MACROD2: variants seen among roughly 807,000 people sequenced by gnomAD.
MACROD2 encodes ADP-ribose glycohydrolase MACROD2.
Under a neutral mutation model 70.4 loss-of-function variants are expected in MACROD2, and 36 were observed. That is an observed-to-expected ratio of 0.51 (90% CI 0.39 to 0.68). The LOEUF is 0.68. Among genes scored for constraint, MACROD2 ranks in the 30% least tolerant of loss-of-function variants. MACROD2 has a pLI of 0.00. For missense variants in MACROD2, 496 were observed against 538.4 expected (o/e 0.92, Z 0.78); for synonymous variants, 172 against 178.8 (o/e 0.96, Z 0.30).
At chr20:14,320,031 A>G (rs961304950) in intron 3 of MACROD2, among the ~76,000 whole-genome samples, 11 of 152,146 alleles carry the variant, frequency 7.2e-5, no homozygotes, top group Admixed American at 3.3e-4. Context: ...ATGTTAATTT[A>G]TTATCTAAAC....
At chr20:14,109,468 T>A (rs543096279) in intron 3 of MACROD2, among the ~76,000 whole-genome samples, 5 of 151,766 alleles carry the variant, frequency 3.3e-5, no homozygotes, top group South Asian at 4.1e-4. Context: ...AATAAAAAGT[T>A]TGGTTTTTGA....
chr20:15,396,019 G>T (rs760916080), intron 6 of MACROD2, among the ~76,000 whole-genome samples: 1 of 152,174 alleles, frequency 6.6e-6, no homozygotes, highest in Non-Finnish European at 1.5e-5. Flanking sequence ...ATCAAGGAGG[G>T]AATCACTGGC....
chr20:15,233,181 A>G (rs763972831), intron 6 of MACROD2, among the ~76,000 whole-genome samples: 1 of 152,170 alleles, frequency 6.6e-6, no homozygotes, highest in Admixed American at 6.5e-5. Flanking sequence ...TAGGATGTTA[A>G]GGCATTGTTC....
At chr20:14,614,010 A>C (rs780450441) in intron 4 of MACROD2, among the ~76,000 whole-genome samples, 6 of 151,764 alleles carry the variant, frequency 4.0e-5, no homozygotes, top group Non-Finnish European at 7.4e-5. Context: ...CACCATGGAG[A>C]CCTCCGATTT....
intron 4 of MACROD2, among the ~76,000 whole-genome samples, chr20:14,600,407 T>C (rs117304489): frequency 1.3e-5 from 2 of 150,770 alleles, no homozygotes; most frequent in East Asian, 3.9e-4. Context: ...TAGTTTATTA[T>C]ATTGAGAGAA....
At chr20:14,105,608 T>A (rs1034711988) in intron 3 of MACROD2, among the ~76,000 whole-genome samples, 1 of 152,198 alleles carries the variant, frequency 6.6e-6, no homozygotes, top group African/African-American at 2.4e-5. Context: ...CAACTCCTAG[T>A]GCTAGTCTGG....
chr20:14,051,876 T>C (rs1489557335), intron 2 of MACROD2: 2 of 514,440 alleles, frequency 3.9e-6, no homozygotes, highest in Non-Finnish European at 7.8e-6. Context: ...TTGGTTTCAA[T>C]ATGCCACATC....
At chr20:15,761,594 A>G (rs2051437219) in intron 8 of MACROD2, among the ~76,000 whole-genome samples, 2 of 152,314 alleles carry the variant, frequency 1.3e-5, no homozygotes. Context: ...TGTTATAGGC[A>G]AAATTCAAGA....
chr20:14,916,491 G>A (rs1400576903), intron 5 of MACROD2, among the ~76,000 whole-genome samples: 2 of 152,112 alleles, frequency 1.3e-5, no homozygotes, highest in Non-Finnish European at 2.9e-5. Context: ...TTACTTGTTT[G>A]TGAAATAGAA....
intron 2 of MACROD2, among the ~76,000 whole-genome samples, chr20:14,015,422 G>C (rs1274488733): frequency 6.6e-6 from 1 of 152,006 alleles, no homozygotes; most frequent in African/African-American, 2.4e-5. Flanking sequence ...TCTCTAAAAT[G>C]AACATTCAAA....
chr20:15,163,489 G>C (rs1160989926), intron 5 of MACROD2, among the ~76,000 whole-genome samples: 1 of 152,020 alleles, frequency 6.6e-6, no homozygotes, highest in East Asian at 1.9e-4. Context: ...CAACAAATTA[G>C]AAGCTTTGAA....
intron 4 of MACROD2, among the ~76,000 whole-genome samples, chr20:14,509,413 A>G (rs2085004911): frequency 1.3e-5 from 2 of 152,074 alleles, no homozygotes; most frequent in South Asian, 4.1e-4. Flanking sequence ...ACAAAGATGA[A>G]TAAAATGAGC....
intron 5 of MACROD2, among the ~76,000 whole-genome samples, chr20:14,843,163 CTTTTT>C (rs11389584): frequency 1.7e-5 from 2 of 119,238 alleles, no homozygotes; most frequent in Non-Finnish European, 1.7e-5. Flanking sequence ...TGTTCATTAA[CTTTTT>C]TTTTTTTTTT....
In MACROD2 at chr20:13,995,772, C is replaced by G; in HGVS notation, c.9C>G (p.Pro3=). 6.2e-7 allele frequency: 1 copy of G among 1,612,256 alleles called. No homozygotes were observed. The highest frequency in any genetic ancestry group is 8.5e-7 in the Non-Finnish European group (1 of 1,179,112). The part of the protein sequence containing the change: MY[P]SNKKKKVWRE... ...GCCACCCCCACGGCAACATGTACCC[C>G]AGCAACAAGAAGAAAAAGGTGTGGA... The change falls in exon 1 of 18, where the codon CCC becomes CCG. Residue 3 remains proline (P), a synonymous_variant. Transcript: ENST00000684519. The surrounding 1 kb of genome is among the most constrained non-coding windows in gnomAD (Gnocchi z 4.3).
At chr20:14,704,662 A>C (rs1010187908) in intron 5 of MACROD2, among the ~76,000 whole-genome samples, 3 of 152,052 alleles carry the variant, frequency 2.0e-5, no homozygotes, top group African/African-American at 7.2e-5. Flanking sequence ...GGCCTGTTCA[A>C]GCCTGTTTTC....
intron 1 of MACROD2, among the ~76,000 whole-genome samples, chr20:13,996,647 C>T (rs143656498): frequency 0.012 from 1,791 of 152,274 alleles, 17 homozygotes; most frequent in Non-Finnish European, 0.015. Flanking sequence ...TACGATCCAG[C>T]GTCTCCCACC....
chr20:14,872,765 G>A (rs1295970373), intron 5 of MACROD2, among the ~76,000 whole-genome samples: 5 of 152,080 alleles, frequency 3.3e-5, no homozygotes, highest in Non-Finnish European at 1.5e-5. Flanking sequence ...CTGTGGTAAA[G>A]AACTGTCCGA....
chr20:14,225,809 GTTGT>G (rs1207390128), intron 3 of MACROD2, among the ~76,000 whole-genome samples: 6 of 152,282 alleles, frequency 3.9e-5, no homozygotes, highest in African/African-American at 1.4e-4. Context: ...TTTTAAGGTA[GTTGT>G]TTGAAACTTA....
intron 3 of MACROD2, among the ~76,000 whole-genome samples, chr20:14,350,809 G>A (rs916965327): frequency 1.3e-5 from 2 of 152,130 alleles, no homozygotes; most frequent in African/African-American, 4.8e-5. Context: ...TGCTTGTGGG[G>A]TATTACTCAA....
Sources: allele counts gnomAD v4.1 joint callset (sites outside exome capture counted in the v4.1 genomes callset), GRCh38; gene constraint gnomAD v4.1.1; non-coding constraint Gnocchi (gnomAD v3.1); transcripts MANE v1.5; gene names NCBI Gene and HGNC (gene_info 2026-07-23, HGNC 2026-07-21).